Variants in TANC1 observed in about 807,000 individuals in gnomAD.
The protein encoded by TANC1 is protein TANC1.
A neutral mutation model predicts 149.7 loss-of-function variants in TANC1; 77 were observed. The observed-to-expected ratio is 0.51, with a 90% CI of 0.43 to 0.62. The LOEUF is 0.62. Among genes scored for constraint, TANC1 ranks in the 20% least tolerant of loss-of-function variants. TANC1 has a pLI of 0.00. For synonymous variants in TANC1, 854 were observed against 925.0 expected, an observed-to-expected ratio of 0.92 and a Z score of 1.39; for missense variants, 1,985 against 2,321.8, an observed-to-expected ratio of 0.85 and a Z score of 2.98.
chr2:159,124,786 C>A (rs2049225287), intron 4 of TANC1, among the ~76,000 whole-genome samples: 1 of 151,610 alleles, frequency 6.6e-6, no homozygotes, highest in African/African-American at 2.4e-5. Flanking sequence ...ATCACCCAGA[C>A]TGGAGTACAG....
intron 10 of TANC1, among the ~76,000 whole-genome samples, chr2:159,171,535 G>A (rs1197422660): frequency 1.3e-5 from 2 of 152,026 alleles, no homozygotes; most frequent in African/African-American, 4.8e-5. Context: ...GAGGTGGGAG[G>A]ATCGCTTGAG....
At chr2:159,082,711 G>A (rs1204976027) in intron 3 of TANC1, among the ~76,000 whole-genome samples, 1 of 152,174 alleles carries the variant, frequency 6.6e-6, no homozygotes, top group African/African-American at 2.4e-5. Flanking sequence ...AAGGGGGCAG[G>A]GATATGAGGC....
At chr2:159,062,549 C>G (rs2042307223) in intron 2 of TANC1, among the ~76,000 whole-genome samples, 2 of 152,202 alleles carry the variant, frequency 1.3e-5, no homozygotes, top group African/African-American at 2.4e-5. Context: ...TGGCTGCCTA[C>G]ACAGGTGGGC....
At chr2:159,138,549 C>T (rs1574913852) in intron 5 of TANC1, among the ~76,000 whole-genome samples, 1 of 152,162 alleles carries the variant, frequency 6.6e-6, no homozygotes, top group Non-Finnish European at 1.5e-5. Flanking sequence ...CCGACTAAAA[C>T]TAATTGAGTT....
At chr2:159,000,290 G>A (rs1324252420) in intron 1 of TANC1, among the ~76,000 whole-genome samples, 1 of 152,086 alleles carries the variant, frequency 6.6e-6, no homozygotes, top group Non-Finnish European at 1.5e-5. Flanking sequence ...GGGTAAGTGG[G>A]TAGGCGAGGC....
intron 2 of TANC1, chr2:159,059,968 AC>A (rs1425601462): frequency 9.0e-5 from 9 of 99,772 alleles, no homozygotes; most frequent in African/African-American, 3.7e-4. Context: ...TTGGTCTCTT[AC>A]GCTTTGTTTT....
intron 3 of TANC1, among the ~76,000 whole-genome samples, chr2:159,092,304 C>T (rs538906039): frequency 6.6e-6 from 1 of 152,140 alleles, no homozygotes; most frequent in East Asian, 1.9e-4. Flanking sequence ...ACTTTCATCT[C>T]CTTGCCTTCG....
At chr2:159,193,382 C>G (rs2057610112) in intron 16 of TANC1, among the ~76,000 whole-genome samples, 1 of 152,182 alleles carries the variant, frequency 6.6e-6, no homozygotes, top group Non-Finnish European at 1.5e-5. Flanking sequence ...ACTGAGGTTG[C>G]ATCTACCTGT....
At chr2:159,005,588 A>C (rs1036941071) in intron 2 of TANC1, among the ~76,000 whole-genome samples, 8 of 151,764 alleles carry the variant, frequency 5.3e-5, no homozygotes, top group Non-Finnish European at 1.2e-4. Context: ...ACCTTGTCTC[A>C]AAAAAAAGTA....
intron 2 of TANC1, among the ~76,000 whole-genome samples, chr2:159,028,751 A>G (rs1037014161): frequency 6.6e-6 from 1 of 152,120 alleles, no homozygotes; most frequent in African/African-American, 2.4e-5. Flanking sequence ...TATGAGTTTG[A>G]TTATTAATTA....
At chr2:159,204,249 G>A (rs937113363) in intron 19 of TANC1, among the ~76,000 whole-genome samples, 3 of 152,152 alleles carry the variant, frequency 2.0e-5, no homozygotes, top group Non-Finnish European at 4.4e-5. Flanking sequence ...AGAATAATTT[G>A]GGAGAAATAC....
chr2:159,051,651 T>TTGTATG (rs1412892744), intron 2 of TANC1, among the ~76,000 whole-genome samples: 44 of 142,968 alleles, frequency 3.1e-4, no homozygotes, highest in African/African-American at 4.6e-4. Flanking sequence ...GAAGTGGTGT[T>TTGTATG]TGTGTGTGTG....
At chr2:159,080,086 C>A (rs1368280192) in intron 3 of TANC1, among the ~76,000 whole-genome samples, 2 of 152,132 alleles carry the variant, frequency 1.3e-5, no homozygotes, top group Non-Finnish European at 2.9e-5. Flanking sequence ...GCTCTGCAAC[C>A]CCCGGGACAA....
intron 1 of TANC1, among the ~76,000 whole-genome samples, chr2:158,973,862 T>G (rs2033257084): frequency 1.3e-5 from 2 of 152,224 alleles, no homozygotes; most frequent in Non-Finnish European, 2.9e-5. Flanking sequence ...TGAATTGCTA[T>G]GTACACAGAC....
chr2:158,997,954 C>G (rs529090060), intron 1 of TANC1, among the ~76,000 whole-genome samples: 83 of 152,294 alleles, frequency 5.4e-4, no homozygotes, highest in Non-Finnish European at 9.4e-4. Context: ...CCTGCCAGCA[C>G]TACCTTGACC....
At chr2:159,090,662 C>T (rs1027671670) in intron 3 of TANC1, among the ~76,000 whole-genome samples, 1 of 152,206 alleles carries the variant, frequency 6.6e-6, no homozygotes. Flanking sequence ...TCCCAAATTC[C>T]ATGCAGATTG....
intron 2 of TANC1, among the ~76,000 whole-genome samples, chr2:159,037,103 A>G (rs1312788098): frequency 1.3e-5 from 2 of 152,212 alleles, no homozygotes; most frequent in Non-Finnish European, 2.9e-5. Context: ...CATTTCTCTG[A>G]TGACCAGTGG....
intron 17 of TANC1, 53 bp downstream of exon 17, chr2:159,194,546 A>C: frequency 3.5e-6 from 5 of 1,421,648 alleles, no homozygotes; most frequent in Non-Finnish European, 5.0e-6. Context: ...GCTTCATCTC[A>C]TTGCTAGAAT....
Position 159,095,170 on chromosome 2 carries a change from A to T in TANC1, c.62-2467A>T, listed in dbSNP as rs150736412. On this transcript the variant is annotated intron_variant, in intron 3 of 26. Coordinates refer to ENST00000263635, the MANE Select transcript of TANC1 (RefSeq NM_033394.3). The stretch of plus-strand genomic sequence containing the variant: ...ACCGTGTTGGCCAGGCTGGTCTCGA[A>T]CTCCTGACCTCGTGATTCGCTTGCT... Among the ~76,000 whole-genome samples, 328 of 150,738 alleles carry T rather than the reference A, an allele frequency of 2.2e-3. 1 individual carries two copies. Among genetic ancestry groups the T allele is most frequent in the African/African-American group, 7.3e-3 (301 of 41,046 alleles).
Sources: gnomAD v4.1 joint callset for allele counts (sites outside exome capture counted in the v4.1 genomes callset) on GRCh38, gnomAD v4.1.1 for gene constraint, MANE v1.5 for transcripts, NCBI Gene and HGNC (gene_info 2026-07-23, HGNC 2026-07-21) for gene names.